TAFA1: variants seen among roughly 807,000 people sequenced by gnomAD.
TAFA1 encodes TAFA chemokine like family member 1.
TAFA1 carries 4 observed loss-of-function variants against 18.5 expected under a neutral mutation model. The ratio of observed to expected loss-of-function variants is 0.22; its 90% CI spans 0.11 to 0.49. The LOEUF (loss-of-function observed/expected upper bound fraction) is 0.49. TAFA1 is among the 20% of genes least tolerant of loss of function. The pLI is 0.98. For missense variants in TAFA1, 147 were observed against 169.0 expected (o/e 0.87, Z 0.72); for synonymous variants, 56 against 55.2 (o/e 1.01, Z -0.06).
At chr3:68,093,962 A>T (rs1339798932) in intron 2 of TAFA1, among the ~76,000 whole-genome samples, 4 of 151,962 alleles carry the variant, frequency 2.6e-5, no homozygotes, top group African/African-American at 9.7e-5. Flanking sequence ...CAATTTACAT[A>T]TATTTTTCTC....
chr3:68,507,527 C>A (rs1288878984), intron 3 of TAFA1, among the ~76,000 whole-genome samples: 1 of 152,050 alleles, frequency 6.6e-6, no homozygotes, highest in Admixed American at 6.6e-5. Flanking sequence ...GTACCTTCTA[C>A]CTATACTTAA....
intron 2 of TAFA1, among the ~76,000 whole-genome samples, chr3:68,404,306 T>A (rs2070553395): frequency 6.6e-6 from 1 of 152,200 alleles, no homozygotes. Flanking sequence ...TGCCATTCAT[T>A]GATGCTGTAG....
At chr3:68,061,824 C>A (rs2064605452) in intron 2 of TAFA1, among the ~76,000 whole-genome samples, 1 of 152,122 alleles carries the variant, frequency 6.6e-6, no homozygotes, top group African/African-American at 2.4e-5. Context: ...ACAAAACACC[C>A]TTCAGGAAAG....
At chr3:68,434,067 G>T (rs2071228692) in intron 3 of TAFA1, among the ~76,000 whole-genome samples, 1 of 152,106 alleles carries the variant, frequency 6.6e-6, no homozygotes, top group Admixed American at 6.6e-5. Flanking sequence ...CTTGTACTTG[G>T]TGGAACCAGT....
upstream of TAFA1, among the ~76,000 whole-genome samples, chr3:68,003,473 C>A (rs1319037638): frequency 2.6e-5 from 4 of 152,182 alleles, no homozygotes; most frequent in African/African-American, 9.7e-5. Context: ...AGGCACCTAA[C>A]ACATAGTAGG....
At chr3:68,083,708 C>G (rs1173220309) in intron 2 of TAFA1, among the ~76,000 whole-genome samples, 1 of 152,166 alleles carries the variant, frequency 6.6e-6, no homozygotes, top group Non-Finnish European at 1.5e-5. Context: ...CAATTCCCAG[C>G]TTCAGCTCCT....
At chr3:68,498,719 T>C (rs2072596376) in intron 3 of TAFA1, among the ~76,000 whole-genome samples, 1 of 112,770 alleles carries the variant, frequency 8.9e-6, no homozygotes. Flanking sequence ...AGCCGTTTGG[T>C]GGCTTTTTTT....
intron 2 of TAFA1, among the ~76,000 whole-genome samples, chr3:68,271,106 A>G (rs979364558): frequency 6.6e-6 from 1 of 152,092 alleles, no homozygotes; most frequent in African/African-American, 2.4e-5. Context: ...AAGGGGTCAA[A>G]CAGCATCAAA....
At chr3:68,045,906 G>A (rs1258985527) in intron 2 of TAFA1, among the ~76,000 whole-genome samples, 4 of 152,190 alleles carry the variant, frequency 2.6e-5, no homozygotes, top group African/African-American at 7.2e-5. Flanking sequence ...AACTGACTAT[G>A]AGCTGTAAAT....
In TAFA1 at chr3:68,149,214, C is replaced by T. The variant is rs553913611; in HGVS notation, c.118+142470C>T. Among the ~76,000 whole-genome samples the T allele has an allele frequency of 2.6e-5, 4 of 152,208 alleles. No individual in the cohort carries two copies. The South Asian group carries it at 8.3e-4, about 32-fold the overall frequency. On this transcript the variant is annotated intron_variant, in intron 2 of 4. Coordinates refer to ENST00000478136, the MANE Select transcript of TAFA1 (RefSeq NM_213609.4). ...CCCTAAGTGCTTACTTGGGGTGAGC[C>T]ATTACACTAGTCACTTTACCTGTAT...
chr3:68,326,944 C>T (rs1474569213), intron 2 of TAFA1, among the ~76,000 whole-genome samples: 1 of 152,156 alleles, frequency 6.6e-6, no homozygotes, highest in Non-Finnish European at 1.5e-5. Flanking sequence ...TGTGTCCCCA[C>T]CCAAATCTCA....
At chr3:68,206,641 C>G (rs1314995732) in intron 2 of TAFA1, among the ~76,000 whole-genome samples, 1 of 151,954 alleles carries the variant, frequency 6.6e-6, no homozygotes, top group Admixed American at 6.6e-5. Context: ...CACTTTCTCT[C>G]TGAGCTCTGC....
intron 3 of TAFA1, among the ~76,000 whole-genome samples, chr3:68,459,749 T>A (rs1411590444): frequency 6.6e-6 from 1 of 152,224 alleles, no homozygotes; most frequent in African/African-American, 2.4e-5. Flanking sequence ...AGACTTTCAC[T>A]TTAAGATATC....
chr3:68,006,471 CT>C, intron 1 of TAFA1, 152 bp from the exon 2 acceptor site: 1 of 601,356 alleles, frequency 1.7e-6, no homozygotes. Context: ...CTCAATCCCA[CT>C]TCATGGCATG....
intron 2 of TAFA1, among the ~76,000 whole-genome samples, chr3:68,136,694 C>T (rs1422904672): frequency 6.6e-6 from 1 of 152,066 alleles, no homozygotes; most frequent in Non-Finnish European, 1.5e-5. Context: ...TAACAGACAC[C>T]AGGGAAAGCG....
intron 2 of TAFA1, among the ~76,000 whole-genome samples, chr3:68,091,581 T>C (rs1379530349): frequency 6.6e-6 from 1 of 152,104 alleles, no homozygotes; most frequent in Admixed American, 6.5e-5. Flanking sequence ...TATTTTCTAA[T>C]ATAAGGAACA....
chr3:68,107,082 A>G (rs62245910), intron 2 of TAFA1, among the ~76,000 whole-genome samples: 53,749 of 152,030 alleles, frequency 0.35, 9,909 homozygotes, highest in East Asian at 0.49. Flanking sequence ...GCAGCCAAAC[A>G]TTACCAGTTC....
chr3:68,125,440 G>A (rs184885180), intron 2 of TAFA1, among the ~76,000 whole-genome samples: 3 of 152,296 alleles, frequency 2.0e-5, no homozygotes, highest in African/African-American at 4.8e-5. Context: ...TTCAAAAAGC[G>A]AAAGTGAATC....
At chr3:68,480,172 C>T (rs751784329) in intron 3 of TAFA1, among the ~76,000 whole-genome samples, 1 of 149,286 alleles carries the variant, frequency 6.7e-6, no homozygotes, top group Non-Finnish European at 1.5e-5. Context: ...GCAGGTGGAT[C>T]ACAAGGTCAG....
Sources: allele counts gnomAD v4.1 joint callset (sites outside exome capture counted in the v4.1 genomes callset), GRCh38; gene constraint gnomAD v4.1.1; transcripts MANE v1.5; gene names NCBI Gene and HGNC (gene_info 2026-07-23, HGNC 2026-07-21).